The following GRAMD1B variants were observed in gnomAD, a reference collection of about 807,000 sequenced individuals.
GRAMD1B encodes the protein GRAM domain containing 1B, also known as protein Aster-B.
GRAMD1B carries 37 observed loss-of-function variants against 99.7 expected under a neutral mutation model. That is an observed-to-expected ratio of 0.37 (90% confidence interval 0.29 to 0.49). The LOEUF is 0.49. Ranked by LOEUF, GRAMD1B falls within the 20% of genes least tolerant of loss-of-function variation. GRAMD1B has a pLI of 0.98. For synonymous variants in GRAMD1B, 427 were observed against 387.6 expected (o/e 1.10, Z -1.19); for missense variants, 888 against 1,009.2 (o/e 0.88, Z 1.63).
chr11:123,457,146 C>T (rs12574067), intron 1 of GRAMD1B, among the ~76,000 whole-genome samples: 43,291 of 112,950 alleles, frequency 0.38, 8,912 homozygotes, highest in African/African-American at 0.53. Flanking sequence ...AGAATTAGAA[C>T]AGTTTATCCC....
At chr11:123,489,198 GTAT>G (rs1435500729) in intron 2 of GRAMD1B, among the ~76,000 whole-genome samples, 2 of 152,170 alleles carry the variant, frequency 1.3e-5, no homozygotes, top group Non-Finnish European at 2.9e-5. Flanking sequence ...GTGCCTATTA[GTAT>G]TATTATCATT....
Position 123,414,192 on chromosome 11 carries a change from G to A in GRAMD1B, c.-176+55393G>A, listed in dbSNP as rs561750690. The stretch of plus-strand genomic sequence containing the variant: ...CCTGAGTAGCTGGGACTACAGGTGC[G>A]TACCACCATGCCTGGCTAATTTTTG... On this transcript the variant is annotated intron_variant, in intron 1 of 20. Coordinates refer to the GRAMD1B transcript ENST00000638157. Among the ~76,000 whole-genome samples the A allele has an allele frequency of 9.2e-5, 14 of 151,984 alleles. No individual in the cohort carries two copies. In the East Asian group the frequency reaches 2.3e-3, roughly 25 times the overall value.
intron 4 of GRAMD1B, among the ~76,000 whole-genome samples, chr11:123,593,687 GC>G (rs1950932015): frequency 6.6e-6 from 1 of 152,204 alleles, no homozygotes. Flanking sequence ...ATCATGGGGG[GC>G]TGGGCAGCCT....
chr11:123,403,334 G>A (rs1381869233), intron 1 of GRAMD1B, among the ~76,000 whole-genome samples: 9 of 151,488 alleles, frequency 5.9e-5, no homozygotes, highest in Non-Finnish European at 1.2e-4. Context: ...GGCTGAGGCA[G>A]GAGAATTGTT....
chr11:123,539,436 CAA>C (rs754285383), intron 2 of GRAMD1B, among the ~76,000 whole-genome samples: 1 of 98,740 alleles, frequency 1.0e-5, no homozygotes, highest in Non-Finnish European at 2.4e-5. Context: ...ACCCCATGTC[CAA>C]AAATAAAAAT....
chr11:123,412,855 T>C (rs1220578458), intron 1 of GRAMD1B, among the ~76,000 whole-genome samples: 1 of 152,114 alleles, frequency 6.6e-6, no homozygotes, highest in African/African-American at 2.4e-5. Context: ...GATCTCGGCT[T>C]ACTGCAACGT....
chr11:123,535,302 T>TC (rs1428253021), intron 2 of GRAMD1B, among the ~76,000 whole-genome samples: 1 of 150,418 alleles, frequency 6.6e-6, no homozygotes. Context: ...TTTTTTTTTT[T>TC]CCCCCATTTT....
At chr11:123,453,118 A>T (rs976509101) in intron 1 of GRAMD1B, among the ~76,000 whole-genome samples, 4 of 152,118 alleles carry the variant, frequency 2.6e-5, no homozygotes, top group Non-Finnish European at 4.4e-5. Flanking sequence ...CATGGTCTTG[A>T]TCAGTTCAAC....
At chr11:123,604,428 T>C (rs1050348105) in intron 9 of GRAMD1B, among the ~76,000 whole-genome samples, 8 of 152,112 alleles carry the variant, frequency 5.3e-5, no homozygotes, top group African/African-American at 1.9e-4. Context: ...GCAGAAGGTA[T>C]TGTCACTGTA....
At chr11:123,433,136 C>T (rs1484681414) in intron 1 of GRAMD1B, among the ~76,000 whole-genome samples, 2 of 150,690 alleles carry the variant, frequency 1.3e-5, no homozygotes, top group East Asian at 3.9e-4. Flanking sequence ...GGAGGGTCAC[C>T]TGAGGTGAGG....
intron 1 of GRAMD1B, among the ~76,000 whole-genome samples, chr11:123,456,833 T>C (rs759641703): frequency 6.1e-5 from 9 of 146,520 alleles, no homozygotes; most frequent in Non-Finnish European, 1.2e-4. Context: ...GGCAGGAGAA[T>C]CACTTGAACC....
At chr11:123,517,320 A>G (rs1260188716) in intron 2 of GRAMD1B, among the ~76,000 whole-genome samples, 5 of 152,234 alleles carry the variant, frequency 3.3e-5, no homozygotes, top group African/African-American at 1.2e-4. Context: ...GAAAATTGGA[A>G]AATTTGTTGA....
chr11:123,558,220 G>A (rs1946359798), intron 2 of GRAMD1B, among the ~76,000 whole-genome samples: 2 of 151,982 alleles, frequency 1.3e-5, no homozygotes, highest in South Asian at 4.2e-4. Context: ...CTGAGCTCAA[G>A]TGATTCACCC....
chr11:123,483,391 CT>C (rs67407274), intron 2 of GRAMD1B, among the ~76,000 whole-genome samples: 23,445 of 133,964 alleles, frequency 0.18, 1,829 homozygotes, highest in Admixed American at 0.24. Context: ...TTTTCTTTTT[CT>C]TTTTTTTTTT....
chr11:123,401,235 G>T (rs1050576201), intron 1 of GRAMD1B, among the ~76,000 whole-genome samples: 3 of 135,334 alleles, frequency 2.2e-5, no homozygotes, highest in African/African-American at 8.6e-5. Context: ...AATGGCACAG[G>T]ATTCTCCTAC....
chr11:123,425,654 C>G (rs1019824279), upstream of GRAMD1B, among the ~76,000 whole-genome samples: 2 of 152,180 alleles, frequency 1.3e-5, no homozygotes, highest in African/African-American at 2.4e-5. Flanking sequence ...CTGCCCAGGG[C>G]TCTATTCTCG....
chr11:123,533,541 C>G (rs1318574577), intron 2 of GRAMD1B, among the ~76,000 whole-genome samples: 1 of 152,112 alleles, frequency 6.6e-6, no homozygotes, highest in African/African-American at 2.4e-5. Context: ...ATTCTCCCAT[C>G]TCAGCCTCCT....
intron 1 of GRAMD1B, among the ~76,000 whole-genome samples, chr11:123,462,480 C>T (rs1247322485): frequency 1.3e-5 from 2 of 152,202 alleles, no homozygotes; most frequent in Admixed American, 1.3e-4. Context: ...GCAGAGTGAA[C>T]ATTCAAGCTC....
At chr11:123,566,865 T>G (rs1947441553) in intron 2 of GRAMD1B, among the ~76,000 whole-genome samples, 1 of 152,088 alleles carries the variant, frequency 6.6e-6, no homozygotes, top group Non-Finnish European at 1.5e-5. Context: ...CTGGAGGTAC[T>G]GGGGAAGCAC....
Sources: allele counts gnomAD v4.1 joint callset (sites outside exome capture counted in the v4.1 genomes callset), GRCh38; gene constraint gnomAD v4.1.1; transcripts MANE v1.5; gene names NCBI Gene and HGNC (gene_info 2026-07-23, HGNC 2026-07-21).